Variants in RSPO2 observed in about 807,000 individuals in gnomAD.
The protein encoded by RSPO2 is R-spondin 2.
Under a neutral mutation model 30.9 loss-of-function variants are expected in RSPO2, and 14 were observed. The observed-to-expected ratio is 0.45, with a 90% CI of 0.30 to 0.71. The LOEUF is 0.71. RSPO2 is among the 30% of genes least tolerant of loss of function. The pLI is 0.08. For missense variants in RSPO2, 264 were observed against 301.9 expected (o/e 0.87, Z 0.93); for synonymous variants, 107 against 96.4 (o/e 1.11, Z -0.64).
intron 2 of RSPO2, among the ~76,000 whole-genome samples, chr8:108,037,720 A>G (rs888766859): frequency 2.0e-5 from 3 of 152,214 alleles, no homozygotes; most frequent in Non-Finnish European, 4.4e-5. Context: ...GTGGAGGCCA[A>G]TGCTCATTTA....
At chr8:108,010,500 A>G (rs1283013362) in intron 2 of RSPO2, among the ~76,000 whole-genome samples, 1 of 152,178 alleles carries the variant, frequency 6.6e-6, no homozygotes, top group Non-Finnish European at 1.5e-5. Flanking sequence ...GAAGCAGTAT[A>G]GTAAGCCATC....
At chr8:108,061,272 C>A (rs199832690) in intron 2 of RSPO2, among the ~76,000 whole-genome samples, 1 of 151,806 alleles carries the variant, frequency 6.6e-6, no homozygotes, top group African/African-American at 2.4e-5. Context: ...CCATCAGTGT[C>A]CTGTATTCAG....
At chr8:108,054,765 G>A (rs1812190278) in intron 2 of RSPO2, among the ~76,000 whole-genome samples, 1 of 152,136 alleles carries the variant, frequency 6.6e-6, no homozygotes, top group Admixed American at 6.5e-5. Context: ...TCCATTTTGT[G>A]CCCTAAGGCC....
intron 5 of RSPO2, among the ~76,000 whole-genome samples, chr8:107,913,742 T>C (rs1811893319): frequency 6.6e-6 from 1 of 152,092 alleles, no homozygotes; most frequent in African/African-American, 2.4e-5. Context: ...CAGCCTCATA[T>C]TTAATGAAAT....
At chr8:108,067,817 G>A (rs545386201) in intron 2 of RSPO2, among the ~76,000 whole-genome samples, 2 of 152,134 alleles carry the variant, frequency 1.3e-5, no homozygotes, top group East Asian at 1.9e-4. Context: ...GGCCAGGCAC[G>A]GTGGCTCACA....
intron 5 of RSPO2, among the ~76,000 whole-genome samples, chr8:107,952,040 A>C (rs1192742231): frequency 1.3e-5 from 2 of 152,048 alleles, no homozygotes; most frequent in African/African-American, 4.8e-5. Flanking sequence ...TCCTCTGCCT[A>C]CTTTCAGGAA....
At chr8:108,027,831 C>G (rs7816756) in intron 2 of RSPO2, among the ~76,000 whole-genome samples, 25,972 of 152,152 alleles carry the variant, frequency 0.17, 2,886 homozygotes, top group Middle Eastern at 0.28. Context: ...TCTTTCTATA[C>G]ATTTCCTACT....
At chr8:107,972,335 G>A (rs1814029153) in intron 3 of RSPO2, among the ~76,000 whole-genome samples, 1 of 151,872 alleles carries the variant, frequency 6.6e-6, no homozygotes, top group Non-Finnish European at 1.5e-5. Flanking sequence ...TTGTAGAGAT[G>A]GCGTTTCATC....
chr8:107,985,829 A>G (rs1206478032), intron 3 of RSPO2, among the ~76,000 whole-genome samples: 4 of 152,202 alleles, frequency 2.6e-5, no homozygotes, highest in South Asian at 4.1e-4. Context: ...AATTACTCAG[A>G]TAGTTGTTGG....
chr8:107,951,735 C>G (rs1563535978), intron 5 of RSPO2, among the ~76,000 whole-genome samples: 2 of 152,114 alleles, frequency 1.3e-5, no homozygotes, highest in Non-Finnish European at 2.9e-5. Context: ...TTCACTCACT[C>G]CCGGCCCCCA....
chr8:107,989,800 A>G (rs79974138), intron 2 of RSPO2, among the ~76,000 whole-genome samples: 4,160 of 152,324 alleles, frequency 0.027, 152 homozygotes, highest in African/African-American at 0.082. Flanking sequence ...ACAAGTTAAA[A>G]TAAGAATTTG....
intron 2 of RSPO2, among the ~76,000 whole-genome samples, chr8:108,003,309 ATATTTT>A (rs1815337977): frequency 1.8e-4 from 3 of 16,928 alleles, no homozygotes; most frequent in African/African-American, 2.4e-4. Flanking sequence ...ATATATATAT[ATATTTT>A]TTTTTTTTTT....
At chr8:108,064,057 A>C (rs1209378562) in intron 2 of RSPO2, among the ~76,000 whole-genome samples, 1 of 152,202 alleles carries the variant, frequency 6.6e-6, no homozygotes, top group Non-Finnish European at 1.5e-5. Flanking sequence ...TAAACGTTAG[A>C]CCTAAAACCA....
Sources: gnomAD v4.1 joint callset for allele counts (sites outside exome capture counted in the v4.1 genomes callset) on GRCh38, gnomAD v4.1.1 for gene constraint, MANE v1.5 for transcripts, NCBI Gene and HGNC (gene_info 2026-07-23, HGNC 2026-07-21) for gene names.